CLCC1: variants seen among roughly 807,000 people sequenced by gnomAD.
CLCC1 encodes the protein chloride channel CLIC like 1.
Under a neutral mutation model 63.3 loss-of-function variants are expected in CLCC1, and 39 were observed. That is an observed-to-expected ratio of 0.62 (90% CI 0.48 to 0.81). CLCC1 has a LOEUF of 0.81. Among genes scored for constraint, CLCC1 ranks in the 30% least tolerant of loss-of-function variants. The pLI is 0.00. For missense variants in CLCC1, 549 were observed against 669.4 expected (o/e 0.82, Z 1.98); for synonymous variants, 217 against 239.8 (o/e 0.90, Z 0.88).
chr1:108,948,566 A>T (rs547269548), intron 4 of CLCC1, among the ~76,000 whole-genome samples: 5 of 152,332 alleles, frequency 3.3e-5, no homozygotes, highest in African/African-American at 1.2e-4. Flanking sequence ...AGAGAAGGAA[A>T]TAGAAGAACA....
At chr1:108,939,851 T>C (rs1358208931) in intron 9 of CLCC1, 69 bp from the exon 10 acceptor site, 25 of 1,491,782 alleles carry the variant, frequency 1.7e-5, no homozygotes, top group Middle Eastern at 1.8e-4. Flanking sequence ...TCAAAATTCA[T>C]TGAGTACTGA....
At chr1:108,959,142 C>G (rs749944286) in intron 2 of CLCC1, among the ~76,000 whole-genome samples, 2 of 152,124 alleles carry the variant, frequency 1.3e-5, no homozygotes, top group Non-Finnish European at 2.9e-5. Context: ...CCATTGCACT[C>G]CAGCTTGGGC....
At chr1:108,952,509 T>C (rs1390403479) in intron 2 of CLCC1, among the ~76,000 whole-genome samples, 1 of 151,824 alleles carries the variant, frequency 6.6e-6, no homozygotes, top group Admixed American at 6.6e-5. Context: ...ATAAGAAAAG[T>C]GGGAAACTGC....
At position 108,950,393 on chromosome 1, in the gene CLCC1, A is replaced by G. The variant is rs758475294; in HGVS notation, c.45T>C (p.Ala15=). ...TCCAGTCATCATCATGAGCATAACCAGCTACCAGCAACAGACATTCACAAA... is the reference window on the plus strand; with the variant it reads ...TCCAGTCATCATCATGAGCATAACCGGCTACCAGCAACAGACATTCACAAA... ...LLLCECLLLV[A]GYAHDDDWID... The change falls in exon 3 of 13, where the codon GCT becomes GCC. Residue 15 remains alanine, a synonymous_variant. Transcript: ENST00000369969. 5 of 1,611,972 alleles carry G rather than the reference A, an allele frequency of 3.1e-6. No individual in the cohort carries two copies. In the African/African-American group the frequency reaches 6.7e-5, roughly 22 times the overall value.
rs940821835 is a variant in CLCC1 at position 108,946,316 on chromosome 1, A to G, written c.339+1295T>C. On this transcript the variant is annotated intron_variant, in intron 5 of 12. Transcript: ENST00000369969. ...CAGAGCAAGACTCTGTCTCAAAAAA[A>G]AAAAAAAATCAGAAACTAAATATTT... Among the ~76,000 whole-genome samples, 27 of 151,990 alleles carry G rather than the reference A, an allele frequency of 1.8e-4. 1 individual carries two copies. The South Asian group carries it at 5.6e-3, about 32-fold the overall frequency.
At chr1:108,937,976 A>C (rs1422331966) in intron 10 of CLCC1, among the ~76,000 whole-genome samples, 1 of 152,078 alleles carries the variant, frequency 6.6e-6, no homozygotes, top group Non-Finnish European at 1.5e-5. Context: ...TGAGATCAAA[A>C]CTTTTCATAA....
At position 108,934,665 on chromosome 1, in the gene CLCC1, T is replaced by C. The variant is rs1346848235; in HGVS notation, c.*5A>G. ...CTTGAGGCTGTCGTTTGTGCTGGTG[T>C]TCCTCTAGCCACAGGGGCTGCTGAC... On this transcript the variant is annotated 3_prime_UTR_variant, in exon 12 of 13. Coordinates refer to ENST00000369969, the MANE Select transcript of CLCC1 (RefSeq NM_001377458.1). The C allele has an allele frequency of 1.2e-6, 2 of 1,610,246 alleles. No individual in the cohort carries two copies. Among genetic ancestry groups the C allele is most frequent in the Admixed American group, 1.7e-5 (1 of 59,906 alleles).
intron 10 of CLCC1, 33 bp from the exon 11 acceptor site, chr1:108,937,451 C>T: frequency 4.7e-6 from 7 of 1,489,316 alleles, no homozygotes; most frequent in Non-Finnish European, 6.3e-6. Flanking sequence ...TTCCTGAGGA[C>T]TCAATGGCTA....
chr1:108,944,620 C>T (rs116669006), intron 5 of CLCC1, among the ~76,000 whole-genome samples: 546 of 151,798 alleles, frequency 3.6e-3, no homozygotes, highest in Non-Finnish European at 5.6e-3. Flanking sequence ...TCTTGCTATT[C>T]GCAGTAGTTA....
Position 108,963,414 on chromosome 1 carries a change from A to T in CLCC1, c.-226T>A. On this transcript the variant is annotated 5_prime_UTR_variant, in exon 1 of 13. Transcript: ENST00000369969. ...GAAGACACCTGCCCAGGCCGGCCGCAGAAGAGGTCGCACAGCTTGCCGCCG... is the reference window on the plus strand; with the variant it reads ...GAAGACACCTGCCCAGGCCGGCCGCTGAAGAGGTCGCACAGCTTGCCGCCG... 4 of 702,388 alleles carry T rather than the reference A, an allele frequency of 5.7e-6. No individual in the cohort carries two copies. The highest frequency in any genetic ancestry group is 1.0e-5 in the Non-Finnish European group (4 of 384,864). The allele number at this position is 702,388 out of a possible 1,614,324, so 43.5% of individuals were successfully genotyped here.
chr1:108,959,537 G>T (rs1189658360), intron 2 of CLCC1, among the ~76,000 whole-genome samples: 1 of 152,084 alleles, frequency 6.6e-6, no homozygotes, highest in South Asian at 2.1e-4. Flanking sequence ...ATTGTGTATT[G>T]TTATAATTTT....
At position 108,937,294 on chromosome 1, in the gene CLCC1, G is replaced by C; in HGVS notation, c.1166C>G (p.Pro389Arg). 6.2e-7 allele frequency: 1 copy of C among 1,614,218 alleles called. No individual in the cohort carries two copies. The highest frequency in any genetic ancestry group is 8.5e-7 in the Non-Finnish European group (1 of 1,180,030). The change falls in exon 11 of 13, where the codon CCT becomes CGT. Residue 389 changes from proline (P) to arginine (R), a missense_variant. Transcript: ENST00000369969. The stretch of plus-strand genomic sequence containing the variant: ...ATCGGCATCACCTGCTCCACCATCA[G>C]GTCTATAATCAATTTCCTCCTGCCG... ...RRRQEEIDYR[P>R]DGGAGDADFH... is the part of the protein sequence containing the mutation.
At position 108,949,928 on chromosome 1, in the gene CLCC1, CAG is replaced by C. The variant is rs1654983611; in HGVS notation, c.130-9_130-8del. The C allele has an allele frequency of 6.6e-7, 1 of 1,524,502 alleles. No homozygotes were observed. The highest frequency in any genetic ancestry group is 9.0e-7 in the Non-Finnish European group (1 of 1,112,084). 94.4% of individuals were successfully genotyped at this position (1,524,502 alleles called of 1,614,324 possible). A position where few individuals can be genotyped will look rare whatever the true frequency, so the allele number is the denominator to read the frequency against. On this transcript the variant is annotated splice_polypyrimidine_tract_variant and splice_region_variant and intron_variant, in intron 3 of 12. Transcript: ENST00000369969. The stretch of plus-strand genomic sequence containing the variant: ...CTGAAATACCATATTTTGCCTAAAA[CAG>C]AGTATAGAAACATTTTATTTCTTTA...
At chr1:108,943,210 C>A (rs1017410546) in intron 7 of CLCC1, among the ~76,000 whole-genome samples, 2 of 152,154 alleles carry the variant, frequency 1.3e-5, no homozygotes, top group African/African-American at 4.8e-5. Flanking sequence ...ACCCAACCCA[C>A]CTGGCTTTAT....
At chr1:108,959,575 C>A (rs1056841394) in intron 2 of CLCC1, among the ~76,000 whole-genome samples, 5 of 152,116 alleles carry the variant, frequency 3.3e-5, no homozygotes, top group African/African-American at 1.2e-4. Context: ...TGCTGTTAAT[C>A]TCTTACTGTG....
intron 11 of CLCC1, 144 bp from the exon 12 acceptor site, chr1:108,935,086 A>ATATAAATGTTAT: frequency 2.6e-6 from 2 of 770,642 alleles, no homozygotes; most frequent in Admixed American, 5.9e-5. Flanking sequence ...GGTTATAATT[A>ATATAAATGTTAT]TATAAATGTT....
At chr1:108,944,338 G>A (rs1394086885) in intron 5 of CLCC1, among the ~76,000 whole-genome samples, 5 of 152,042 alleles carry the variant, frequency 3.3e-5, no homozygotes, top group African/African-American at 1.2e-4. Flanking sequence ...GTGTGCAGTG[G>A]TGTGCACCTG....
intron 7 of CLCC1, among the ~76,000 whole-genome samples, chr1:108,943,220 T>C (rs1654076951): frequency 6.6e-6 from 1 of 152,188 alleles, no homozygotes; most frequent in African/African-American, 2.4e-5. Context: ...CCTGGCTTTA[T>C]TCTGACTTAG....
intron 12 of CLCC1, chr1:108,933,741 A>G (rs839852): frequency 0.35 from 52,750 of 152,114 alleles, 10,904 homozygotes; most frequent in African/African-American, 0.57. Flanking sequence ...AATCAGAAAG[A>G]CTAATGTAAA....
Sources: allele counts gnomAD v4.1 joint callset (sites outside exome capture counted in the v4.1 genomes callset), GRCh38; gene constraint gnomAD v4.1.1; transcripts MANE v1.5; gene names NCBI Gene and HGNC (gene_info 2026-07-23, HGNC 2026-07-21).